The following SOX5 variants were observed in gnomAD, a reference collection of about 807,000 sequenced individuals.
The protein encoded by SOX5 is SRY-box transcription factor 5, also known as transcription factor SOX-5.
A neutral mutation model predicts 92.0 loss-of-function variants in SOX5; 9 were observed. That is an observed-to-expected ratio of 0.10 (90% CI 0.06 to 0.17). The LOEUF (loss-of-function observed/expected upper bound fraction) is 0.17, where lower values mean the gene tolerates loss of function less well. Ranked by LOEUF, SOX5 falls within the 10% of genes least tolerant of loss-of-function variation. SOX5 has a pLI of 1.00. For missense variants in SOX5, 642 were observed against 944.5 expected, an observed-to-expected ratio of 0.68 and a Z score of 4.20; for synonymous variants, 344 against 336.3, an observed-to-expected ratio of 1.02 and a Z score of -0.25.
intron 1 of SOX5, among the ~76,000 whole-genome samples, chr12:23,929,178 A>G (rs1940809030): frequency 6.6e-6 from 1 of 151,974 alleles, no homozygotes; most frequent in African/African-American, 2.4e-5. Flanking sequence ...ACAACAATGC[A>G]TTTCCTTCCA....
intron 3 of SOX5, among the ~76,000 whole-genome samples, chr12:23,796,093 T>A (rs2095557133): frequency 6.6e-6 from 1 of 152,142 alleles, no homozygotes; most frequent in South Asian, 2.1e-4. Flanking sequence ...AAAATCCTTT[T>A]AACTACAACT....
At chr12:23,896,500 T>A (rs1018321971) in intron 1 of SOX5, among the ~76,000 whole-genome samples, 1 of 152,188 alleles carries the variant, frequency 6.6e-6, no homozygotes, top group Non-Finnish European at 1.5e-5. Flanking sequence ...TTACATTTTA[T>A]TGAAAGTAAG....
intron 3 of SOX5, among the ~76,000 whole-genome samples, chr12:24,237,214 T>C (rs898386720): frequency 3.9e-5 from 6 of 152,190 alleles, no homozygotes; most frequent in Non-Finnish European, 8.8e-5. Flanking sequence ...ACCATTTGAT[T>C]GGTATCTTAA....
chr12:24,149,314 C>T (rs183606884), intron 4 of SOX5, among the ~76,000 whole-genome samples: 1 of 152,046 alleles, frequency 6.6e-6, no homozygotes, highest in Admixed American at 6.5e-5. Context: ...TGATAAAGAA[C>T]TTATAATCCG....
At chr12:24,073,566 T>G (rs1942083520) in intron 4 of SOX5, among the ~76,000 whole-genome samples, 1 of 152,190 alleles carries the variant, frequency 6.6e-6, no homozygotes, top group Non-Finnish European at 1.5e-5. Context: ...AAAGATGACA[T>G]AAAACGTATT....
rs182150767 is a variant in SOX5, at chr12:24,178,124, G to T, written c.-2+35219C>A. Among the ~76,000 whole-genome samples the T allele has an allele frequency of 3.0e-4, 46 of 152,146 alleles. 2 individuals carry two copies. In the East Asian group the frequency reaches 4.6e-3, roughly 15 times the overall value. ...AGTGTCCATGTGGTTTGGAACCACA[G>T]TAACAAAGTTTCTTTACAGAAGTCT... is the stretch of plus-strand genomic sequence containing the variant. On this transcript the variant is annotated intron_variant, in intron 4 of 4. Transcript: ENST00000446891.
intron 1 of SOX5, among the ~76,000 whole-genome samples, chr12:23,925,274 A>G (rs1237602748): frequency 1.3e-5 from 2 of 152,132 alleles, no homozygotes; most frequent in Non-Finnish European, 2.9e-5. Flanking sequence ...TGTGTGTTAC[A>G]TTTGAATAAT....
At chr12:24,189,630 G>C (rs1185793906) in intron 4 of SOX5, among the ~76,000 whole-genome samples, 1 of 152,090 alleles carries the variant, frequency 6.6e-6, no homozygotes, top group Non-Finnish European at 1.5e-5. Flanking sequence ...AGGCAATATA[G>C]CAAGGCCCAC....
At chr12:24,399,554 C>A (rs968683432) in intron 1 of SOX5, among the ~76,000 whole-genome samples, 1 of 152,094 alleles carries the variant, frequency 6.6e-6, no homozygotes. Context: ...AAGATCTTTC[C>A]ATGTCTAAAG....
chr12:23,536,173 T>C (rs1256143071), intron 14 of SOX5, among the ~76,000 whole-genome samples: 6 of 152,234 alleles, frequency 3.9e-5, no homozygotes, highest in Admixed American at 6.5e-5. Context: ...GAACCAGTTA[T>C]ACTTCTAAGT....
chr12:24,295,389 T>G (rs1259831503), intron 2 of SOX5, among the ~76,000 whole-genome samples: 1 of 152,230 alleles, frequency 6.6e-6, no homozygotes, highest in Non-Finnish European at 1.5e-5. Context: ...AAACAATGCA[T>G]GTACTGGCTA....
intron 1 of SOX5, among the ~76,000 whole-genome samples, chr12:24,402,458 C>T (rs1961954030): frequency 6.6e-6 from 1 of 152,116 alleles, no homozygotes; most frequent in Non-Finnish European, 1.5e-5. Flanking sequence ...TTAATTCCTC[C>T]GCCTGCCTCT....
At chr12:24,432,167 G>C (rs774408814) in intron 1 of SOX5, among the ~76,000 whole-genome samples, 92 of 152,182 alleles carry the variant, frequency 6.0e-4, no homozygotes, top group Non-Finnish European at 1.1e-3. Context: ...TTCTGTTGTG[G>C]GTTTTAGCAC....
intron 3 of SOX5, among the ~76,000 whole-genome samples, chr12:23,808,841 A>G (rs2095826683): frequency 6.6e-6 from 1 of 152,184 alleles, no homozygotes; most frequent in African/African-American, 2.4e-5. Flanking sequence ...ATGTGTGAGA[A>G]TATTCATACC....
At chr12:24,124,920 CA>C (rs1224314786) in intron 4 of SOX5, among the ~76,000 whole-genome samples, 2 of 152,084 alleles carry the variant, frequency 1.3e-5, no homozygotes, top group African/African-American at 4.8e-5. Context: ...CTCCAGATTC[CA>C]TTCTAAATAA....
chr12:24,363,294 T>A (rs537180794), intron 2 of SOX5, among the ~76,000 whole-genome samples: 1 of 152,246 alleles, frequency 6.6e-6, no homozygotes, highest in South Asian at 2.1e-4. Context: ...ATATATTTAA[T>A]AGTTTCGCCT....
At position 23,546,363 on chromosome 12, in the gene SOX5, T is replaced by G; in HGVS notation, c.1550A>C (p.Lys517Thr). ...QLAVKQNEEG[K>T]FSHAMMDFNL... ...GAAATCCATCATTGCATGGCTAAAT[T>G]TTCCTTCTTCATTCTGTTTAACTGC... The change falls in exon 12 of 15, where the codon AAA becomes ACA. Residue 517 changes from lysine to threonine, a missense_variant. Transcript: ENST00000451604. The G allele has an allele frequency of 1.2e-6, 2 of 1,610,854 alleles. No homozygotes were observed. The highest frequency in any genetic ancestry group is 1.7e-6 in the Non-Finnish European group (2 of 1,177,270).
At chr12:24,260,233 G>A (rs188136984) in intron 3 of SOX5, among the ~76,000 whole-genome samples, 1 of 152,284 alleles carries the variant, frequency 6.6e-6, no homozygotes, top group East Asian at 1.9e-4. Flanking sequence ...ATTCGCTGAC[G>A]AGGAGCATGA....
chr12:23,961,436 A>T (rs1435167263), intron 4 of SOX5, among the ~76,000 whole-genome samples: 1 of 152,140 alleles, frequency 6.6e-6, no homozygotes, highest in Admixed American at 6.6e-5. Context: ...TTCTAGGTAC[A>T]CCAAACTGGT....
Sources: allele counts gnomAD v4.1 joint callset (sites outside exome capture counted in the v4.1 genomes callset), GRCh38; gene constraint gnomAD v4.1.1; transcripts MANE v1.5; gene names NCBI Gene and HGNC (gene_info 2026-07-23, HGNC 2026-07-21).